Variants in NAV3 observed in about 807,000 individuals in gnomAD.
NAV3 encodes the protein pore membrane and/or filament interacting like protein 1.
A neutral mutation model predicts 244.7 loss-of-function variants in NAV3; 87 were observed. That is an observed-to-expected ratio of 0.36 (90% confidence interval 0.30 to 0.42). The LOEUF is 0.42. Ranked by LOEUF, NAV3 falls within the 20% of genes least tolerant of loss-of-function variation. The pLI is 1.00. For synonymous variants in NAV3, 1,126 were observed against 1,042.2 expected (o/e 1.08, Z -1.55); for missense variants, 2,663 against 2,893.3 (o/e 0.92, Z 1.83).
At chr12:77,782,512 C>T (rs1365658890) in intron 2 of NAV3, among the ~76,000 whole-genome samples, 1 of 151,940 alleles carries the variant, frequency 6.6e-6, no homozygotes, top group Non-Finnish European at 1.5e-5. Context: ...TGCTTAACTT[C>T]ATGAATTTGA....
At chr12:78,001,370 A>G (rs1873271978) in intron 7 of NAV3, among the ~76,000 whole-genome samples, 1 of 152,238 alleles carries the variant, frequency 6.6e-6, no homozygotes. Context: ...TTAAGTGGAA[A>G]TATACTTTAT....
intron 35 of NAV3, 85 bp downstream of exon 35, chr12:78,197,486 A>G (rs968085395): frequency 1.0e-5 from 10 of 962,364 alleles, no homozygotes; most frequent in Non-Finnish European, 1.5e-5. Context: ...CATTTTTAAA[A>G]TTTGTTTAAT....
intron 1 of NAV3, among the ~76,000 whole-genome samples, chr12:77,886,969 C>T (rs1592899868): frequency 6.6e-6 from 1 of 152,072 alleles, no homozygotes; most frequent in East Asian, 1.9e-4. Context: ...GTTAATGGGA[C>T]TTTGACAACA....
chr12:78,096,751 T>A (rs764251292), intron 12 of NAV3, among the ~76,000 whole-genome samples: 6 of 152,106 alleles, frequency 3.9e-5, no homozygotes, highest in Non-Finnish European at 7.4e-5. Flanking sequence ...GAGCTACAAT[T>A]CAAGATGAGA....
At chr12:77,779,558 T>C (rs996583981) in intron 2 of NAV3, among the ~76,000 whole-genome samples, 2 of 152,236 alleles carry the variant, frequency 1.3e-5, no homozygotes, top group Non-Finnish European at 2.9e-5. Flanking sequence ...TTTTCCTTTT[T>C]CTTTTTTTCA....
At chr12:77,727,237 A>G (rs1876919582) in intron 2 of NAV3, among the ~76,000 whole-genome samples, 1 of 151,850 alleles carries the variant, frequency 6.6e-6, no homozygotes, top group African/African-American at 2.4e-5. Flanking sequence ...GAAGCATTGT[A>G]TTTGAGAGGT....
chr12:78,050,421 A>G (rs143792584), intron 10 of NAV3, among the ~76,000 whole-genome samples: 99 of 152,330 alleles, frequency 6.5e-4, no homozygotes, highest in African/African-American at 2.2e-3. Context: ...CTTGAAATGC[A>G]TCTGGGCAGG....
At chr12:78,055,208 A>G (rs1419579661) in intron 11 of NAV3, among the ~76,000 whole-genome samples, 1 of 150,288 alleles carries the variant, frequency 6.7e-6, no homozygotes, top group East Asian at 2.0e-4. Context: ...TATTCAGTAA[A>G]TTAATTGTAA....
At chr12:78,121,476 C>T (rs1275619104) in intron 15 of NAV3, among the ~76,000 whole-genome samples, 4 of 151,742 alleles carry the variant, frequency 2.6e-5, no homozygotes, top group Non-Finnish European at 2.9e-5. Context: ...TTGCTTTAAG[C>T]GTTCCATCTA....
chr12:78,203,383 T>A (rs1236205053), intron 38 of NAV3, among the ~76,000 whole-genome samples: 2 of 152,174 alleles, frequency 1.3e-5, no homozygotes, highest in Non-Finnish European at 2.9e-5. Flanking sequence ...GCATGCTATA[T>A]GTTACATCTA....
chr12:78,146,512 GAAGT>G (rs1285184313), intron 21 of NAV3, 120 bp downstream of exon 21: 3 of 324,872 alleles, frequency 9.2e-6, no homozygotes, highest in Non-Finnish European at 1.7e-5. Context: ...CAGGACTGCT[GAAGT>G]AAGGCAGCTA....
intron 5 of NAV3, among the ~76,000 whole-genome samples, chr12:77,984,479 A>T (rs944977536): frequency 6.8e-6 from 1 of 146,028 alleles, no homozygotes; most frequent in African/African-American, 2.5e-5. Context: ...TCAAGTATGC[A>T]TTTTTTTTTT....
intron 1 of NAV3, among the ~76,000 whole-genome samples, chr12:77,878,251 G>T (rs569269475): frequency 2.3e-4 from 35 of 152,188 alleles, no homozygotes; most frequent in African/African-American, 7.9e-4. Flanking sequence ...TTTTGAGATG[G>T]TGTCTTGCTC....
chr12:77,938,931 C>CGT (rs35392593), intron 1 of NAV3, among the ~76,000 whole-genome samples: 64,520 of 142,294 alleles, frequency 0.45, 14,175 homozygotes, highest in Middle Eastern at 0.53. Flanking sequence ...AATGTGATCT[C>CGT]GTGTGTGTGT....
intron 2 of NAV3, among the ~76,000 whole-genome samples, chr12:77,678,575 T>C (rs1157914246): frequency 2.0e-5 from 3 of 152,210 alleles, no homozygotes; most frequent in African/African-American, 4.8e-5. Context: ...TCCTCAACTT[T>C]CTGCGGAATG....
intron 12 of NAV3, among the ~76,000 whole-genome samples, chr12:78,113,375 AG>A (rs1177436250): frequency 6.6e-6 from 1 of 152,208 alleles, no homozygotes. Flanking sequence ...GTTCACCATG[AG>A]GGCTCCACCG....
At chr12:78,181,086 A>G (rs1389661228) in intron 30 of NAV3, 41 bp downstream of exon 30, 2 of 1,585,380 alleles carry the variant, frequency 1.3e-6, no homozygotes, top group Non-Finnish European at 8.6e-7. Flanking sequence ...CAGCATACCC[A>G]TGAGTTAACG....
chr12:78,114,367 C>A (rs1181489199), intron 12 of NAV3, among the ~76,000 whole-genome samples: 4 of 152,082 alleles, frequency 2.6e-5, no homozygotes, highest in African/African-American at 9.7e-5. Flanking sequence ...CATTTATTCT[C>A]ATGCTGATAA....
chr12:77,792,642 G>A (rs368243599), intron 2 of NAV3, among the ~76,000 whole-genome samples: 24 of 152,246 alleles, frequency 1.6e-4, no homozygotes, highest in Admixed American at 6.5e-4. Flanking sequence ...AAGTACTCCC[G>A]GAAAATTTTG....
Sources: allele counts gnomAD v4.1 joint callset (sites outside exome capture counted in the v4.1 genomes callset), GRCh38; gene constraint gnomAD v4.1.1; transcripts MANE v1.5; gene names NCBI Gene and HGNC (gene_info 2026-07-23, HGNC 2026-07-21).